Variants in VPS13B observed in about 807,000 individuals in gnomAD.
VPS13B encodes intermembrane lipid transfer protein VPS13B.
In VPS13B, 285 loss-of-function variants were observed where a neutral mutation model predicts 426.4. The ratio of observed to expected loss-of-function variants is 0.67; its 90% CI spans 0.61 to 0.74. The LOEUF (loss-of-function observed/expected upper bound fraction) is 0.74. Ranked by LOEUF, VPS13B falls within the 30% of genes least tolerant of loss-of-function variation. VPS13B has a pLI of 0.00. For missense variants in VPS13B, 4,537 were observed against 4,782.6 expected (o/e 0.95, Z 1.51); for synonymous variants, 1,676 against 1,676.4 (o/e 1.00, Z 0.01).
intron 16 of VPS13B, among the ~76,000 whole-genome samples, chr8:99,187,703 T>TC (rs1813295305): frequency 6.6e-6 from 1 of 152,188 alleles, no homozygotes; most frequent in Non-Finnish European, 1.5e-5. Context: ...GTGCAGTGAC[T>TC]CATGCCTGTA....
In VPS13B at chr8:99,818,324, T is replaced by A. The variant is rs1178712139; in HGVS notation, c.8362-127T>A. 9 of 1,024,858 alleles carry A rather than the reference T, an allele frequency of 8.8e-6. No homozygotes were observed. In the South Asian group the frequency reaches 1.2e-4, roughly 13 times the overall value. 63.5% of individuals were successfully genotyped at this position (1,024,858 alleles called of 1,614,324 possible). A position where few individuals can be genotyped will look rare whatever the true frequency, so the allele number is the denominator to read the frequency against. Reference sequence around the variant, plus strand: ...AAGTCTGTTTTTGCTCAGTTTTTTTTAATAATGGCTTTTTCCCTAAACTTT... The same window carrying A: ...AAGTCTGTTTTTGCTCAGTTTTTTTAAATAATGGCTTTTTCCCTAAACTTT... On this transcript the variant is annotated intron_variant, in intron 45 of 61. Coordinates refer to ENST00000357162, the MANE Select transcript of VPS13B (RefSeq NM_152564.5).
At chr8:99,482,371 G>A (rs1226887746) in intron 25 of VPS13B, among the ~76,000 whole-genome samples, 1 of 151,704 alleles carries the variant, frequency 6.6e-6, no homozygotes, top group Non-Finnish European at 1.5e-5. Flanking sequence ...AACCAGAAAT[G>A]AAAATGAAAA....
At chr8:99,866,828 C>T (rs78473509) in intron 58 of VPS13B, among the ~76,000 whole-genome samples, 3,437 of 152,316 alleles carry the variant, frequency 0.023, 47 homozygotes, top group Non-Finnish European at 0.035. Flanking sequence ...GGAGCATCAA[C>T]GGCAAATGAG....
intron 33 of VPS13B, among the ~76,000 whole-genome samples, chr8:99,616,170 A>G (rs1455125532): frequency 6.6e-6 from 1 of 152,164 alleles, no homozygotes; most frequent in Non-Finnish European, 1.5e-5. Context: ...GGACTTTACC[A>G]TTTTGGCAGG....
At chr8:99,063,595 C>T (rs1844316130) in intron 3 of VPS13B, among the ~76,000 whole-genome samples, 1 of 152,238 alleles carries the variant, frequency 6.6e-6, no homozygotes, top group African/African-American at 2.4e-5. Flanking sequence ...GAGCCAACCA[C>T]AGCTCAGCAA....
chr8:99,623,950 A>T (rs930499899), intron 33 of VPS13B, among the ~76,000 whole-genome samples: 3 of 149,500 alleles, frequency 2.0e-5, no homozygotes, highest in African/African-American at 7.4e-5. Flanking sequence ...TCACATTTGC[A>T]AGGTTGTTAG....
chr8:99,289,075 GAAGGAAGGAAAGAAAGA>G (rs1429073985), intron 19 of VPS13B, among the ~76,000 whole-genome samples: 1 of 152,026 alleles, frequency 6.6e-6, no homozygotes, highest in African/African-American at 2.4e-5. Flanking sequence ...AAGAAGGAAG[GAAGGAAGGAAAGAAAGA>G]AAGAAAAAGA....
chr8:99,553,923 G>A (rs1824410584), intron 30 of VPS13B, among the ~76,000 whole-genome samples: 1 of 151,928 alleles, frequency 6.6e-6, no homozygotes, highest in Non-Finnish European at 1.5e-5. Context: ...ATTTTTGGAA[G>A]TATCTGGCTA....
At chr8:99,501,004 A>G (rs1821203303) in intron 25 of VPS13B, among the ~76,000 whole-genome samples, 1 of 152,200 alleles carries the variant, frequency 6.6e-6, no homozygotes, top group South Asian at 2.1e-4. Flanking sequence ...GTTGAATCGG[A>G]TAAGCTTATG....
At chr8:99,719,986 T>G (rs976295014) in intron 37 of VPS13B, among the ~76,000 whole-genome samples, 9 of 152,200 alleles carry the variant, frequency 5.9e-5, no homozygotes, top group African/African-American at 1.2e-4. Flanking sequence ...TATGATTTTA[T>G]TAACATTTTG....
At chr8:99,582,701 G>C (rs1159560467) in intron 33 of VPS13B, among the ~76,000 whole-genome samples, 2 of 151,784 alleles carry the variant, frequency 1.3e-5, no homozygotes, top group Non-Finnish European at 2.9e-5. Flanking sequence ...TGTCTCCCAG[G>C]CAGGAGTGCA....
At chr8:99,173,626 A>G (rs929745535) in intron 16 of VPS13B, among the ~76,000 whole-genome samples, 54 of 152,354 alleles carry the variant, frequency 3.5e-4, no homozygotes, top group African/African-American at 1.2e-3. Flanking sequence ...CCTTAAAACT[A>G]CTAAGCCTTA....
At chr8:99,279,344 C>T (rs1017221305) in intron 19 of VPS13B, among the ~76,000 whole-genome samples, 1 of 151,990 alleles carries the variant, frequency 6.6e-6, no homozygotes, top group African/African-American at 2.4e-5. Flanking sequence ...GCAGTGGGCG[C>T]GATCTCAGCT....
chr8:99,054,018 T>A (rs1226464593), intron 3 of VPS13B, among the ~76,000 whole-genome samples: 11 of 152,322 alleles, frequency 7.2e-5, no homozygotes, highest in African/African-American at 2.6e-4. Context: ...GTTTCCTTTT[T>A]TCTAGGGCTG....
chr8:99,464,659 T>A (rs192698891), intron 23 of VPS13B, among the ~76,000 whole-genome samples: 78 of 152,294 alleles, frequency 5.1e-4, no homozygotes, highest in Middle Eastern at 3.4e-3. Context: ...TAATTTTCTT[T>A]TTAAGTTTCA....
intron 39 of VPS13B, among the ~76,000 whole-genome samples, chr8:99,743,947 A>G (rs1336021990): frequency 1.3e-5 from 2 of 152,206 alleles, no homozygotes; most frequent in African/African-American, 4.8e-5. Flanking sequence ...ACCAAAAGCA[A>G]TGGCAACAAA....
At chr8:99,770,199 TTAAC>T (rs1441566443) in intron 40 of VPS13B, among the ~76,000 whole-genome samples, 1 of 152,140 alleles carries the variant, frequency 6.6e-6, no homozygotes, top group Non-Finnish European at 1.5e-5. Flanking sequence ...TCCTATATCT[TTAAC>T]TAATGGTTTG....
intron 40 of VPS13B, among the ~76,000 whole-genome samples, chr8:99,769,723 G>A (rs1393932292): frequency 6.6e-6 from 1 of 152,100 alleles, no homozygotes; most frequent in Non-Finnish European, 1.5e-5. Context: ...GAAGACCTAG[G>A]TTTAAGGCCT....
intron 51 of VPS13B, 28 bp from the exon 52 acceptor site, chr8:99,832,341 A>ATT (rs370235149): frequency 0.04 from 45,960 of 1,145,886 alleles, 364 homozygotes; most frequent in East Asian, 0.046. Flanking sequence ...TGCTCTCTGC[A>ATT]TTTTTTTTTT....
Sources: allele counts gnomAD v4.1 joint callset (sites outside exome capture counted in the v4.1 genomes callset), GRCh38; gene constraint gnomAD v4.1.1; transcripts MANE v1.5; gene names NCBI Gene and HGNC (gene_info 2026-07-23, HGNC 2026-07-21).